SERP2: variants seen among roughly 807,000 people sequenced by gnomAD.
SERP2 encodes stress associated endoplasmic reticulum protein family member 2, also known as stress-associated endoplasmic reticulum protein 2.
SERP2 carries 6 observed loss-of-function variants against 9.1 expected under a neutral mutation model. The ratio of observed to expected loss-of-function variants is 0.66; its 90% CI spans 0.36 to 1.30. The LOEUF is 1.30. Among genes scored for constraint, SERP2 ranks in the 50% most tolerant of loss-of-function variants. SERP2 has a pLI of 0.03. For synonymous variants in SERP2, 37 were observed against 27.3 expected, an observed-to-expected ratio of 1.35 and a Z score of -1.10; for missense variants, 58 against 81.9, an observed-to-expected ratio of 0.71 and a Z score of 1.13.
chr13:44,389,608 G>C (rs1361781451), intron 2 of SERP2, among the ~76,000 whole-genome samples: 1 of 152,126 alleles, frequency 6.6e-6, no homozygotes, highest in African/African-American at 2.4e-5. Flanking sequence ...TTTGCTTTTT[G>C]ATGGTGAGAA....
At chr13:44,377,324 A>AT (rs144689885) in intron 1 of SERP2, among the ~76,000 whole-genome samples, 1,683 of 152,284 alleles carry the variant, frequency 0.011, 39 homozygotes, top group African/African-American at 0.038. Context: ...GATAAAATGA[A>AT]TTTTTTTATA....
At chr13:44,395,236 A>G (rs140803147) in intron 2 of SERP2, among the ~76,000 whole-genome samples, 4 of 152,234 alleles carry the variant, frequency 2.6e-5, no homozygotes, top group Non-Finnish European at 4.4e-5. Flanking sequence ...CTTGGTGGGG[A>G]GGAAAGAAAC....
intron 2 of SERP2, chr13:44,390,296 T>TCCCAC: frequency 5.3e-6 from 1 of 188,776 alleles, no homozygotes; most frequent in South Asian, 5.1e-5. Flanking sequence ...GCCACCGGTG[T>TCCCAC]CCCCACCCAC....
At chr13:44,380,721 CAAAG>C (rs1871923642) in intron 2 of SERP2, among the ~76,000 whole-genome samples, 1 of 152,132 alleles carries the variant, frequency 6.6e-6, no homozygotes, top group Non-Finnish European at 1.5e-5. Flanking sequence ...ATCTTACACT[CAAAG>C]AAAGACAGTT....
chr13:44,387,586 C>G (rs889193775), intron 2 of SERP2, among the ~76,000 whole-genome samples: 5 of 152,154 alleles, frequency 3.3e-5, no homozygotes, highest in Admixed American at 2.6e-4. Flanking sequence ...TTAGAGTCAG[C>G]CTATACATGT....
At chr13:44,396,546 G>T (rs1309748490) in intron 2 of SERP2, among the ~76,000 whole-genome samples, 1 of 152,098 alleles carries the variant, frequency 6.6e-6, no homozygotes, top group African/African-American at 2.4e-5. Flanking sequence ...AAAGAAGTTG[G>T]GATCTTCCGC....
chr13:44,388,613 C>T (rs577864035), intron 2 of SERP2, among the ~76,000 whole-genome samples: 1 of 152,332 alleles, frequency 6.6e-6, no homozygotes, highest in South Asian at 2.1e-4. Flanking sequence ...ACATTCCTTT[C>T]GTCTGTCAGT....
chr13:44,386,768 C>G (rs573753927), intron 2 of SERP2, among the ~76,000 whole-genome samples: 1 of 152,260 alleles, frequency 6.6e-6, no homozygotes, highest in East Asian at 1.9e-4. Flanking sequence ...GATTATTAAC[C>G]CAAATAGGCC....
intron 2 of SERP2, among the ~76,000 whole-genome samples, chr13:44,394,612 GC>G (rs1872980597): frequency 6.6e-6 from 1 of 152,234 alleles, no homozygotes; most frequent in Non-Finnish European, 1.5e-5. Context: ...GCAAGAGTAA[GC>G]GAGAAGTAAT....
At chr13:44,374,551 T>C (rs756686990) in intron 1 of SERP2, among the ~76,000 whole-genome samples, 2 of 152,352 alleles carry the variant, frequency 1.3e-5, no homozygotes, top group South Asian at 4.1e-4. Context: ...GAACCTAGTA[T>C]GTTCTAGAAC....
intron 2 of SERP2, among the ~76,000 whole-genome samples, chr13:44,383,303 T>G (rs1260020272): frequency 6.6e-6 from 1 of 152,208 alleles, no homozygotes; most frequent in Non-Finnish European, 1.5e-5. Flanking sequence ...TCATTTGGCG[T>G]GGCTTATTTT....
intron 1 of SERP2, among the ~76,000 whole-genome samples, chr13:44,376,648 G>A (rs1167352434): frequency 6.6e-6 from 1 of 151,942 alleles, no homozygotes; most frequent in African/African-American, 2.4e-5. Flanking sequence ...GGTGGTGGGC[G>A]CCTGTAATCC....
intron 1 of SERP2, among the ~76,000 whole-genome samples, chr13:44,375,541 G>T (rs1231750671): frequency 2.6e-5 from 4 of 152,148 alleles, no homozygotes; most frequent in African/African-American, 9.7e-5. Context: ...GGCTGCCCGG[G>T]TTGACATTGA....
intron 1 of SERP2, 68 bp downstream of exon 1, chr13:44,374,177 C>CGGGGGGGGGGGGGGGGGGGGGGGGGG: frequency 6.6e-6 from 1 of 151,764 alleles, no homozygotes; most frequent in Non-Finnish European, 1.2e-5. Context: ...AAGGTGGGGG[C>CGGGGGGGGGGGGGGGGGGGGGGGGGG]GGGGCCGGGC....
upstream of SERP2, chr13:44,373,680 C>T: frequency 3.6e-6 from 1 of 279,560 alleles, no homozygotes; most frequent in Non-Finnish European, 6.7e-6. This position sits in a 1 kb window ranked among gnomAD's most constrained non-coding sequence, Gnocchi z 4.8. Context: ...CACTGCAGGG[C>T]CCCGGCTCTG....
chr13:44,394,189 G>A (rs1872949917), intron 2 of SERP2, among the ~76,000 whole-genome samples: 1 of 152,082 alleles, frequency 6.6e-6, no homozygotes, highest in Admixed American at 6.6e-5. Flanking sequence ...CCAGGCTGGA[G>A]TGCAGTGGCG....
At chr13:44,396,892 G>C (rs1047319927) in intron 2 of SERP2, among the ~76,000 whole-genome samples, 4 of 152,178 alleles carry the variant, frequency 2.6e-5, no homozygotes, top group Admixed American at 2.6e-4. Context: ...ATTTTGAAAA[G>C]GCAGACTCAC....
chr13:44,374,179 GGGCCGGGCGGGTAGCGGCGC>G, intron 1 of SERP2, 70 bp downstream of exon 1: 1 of 874,348 alleles, frequency 1.1e-6, no homozygotes, highest in Non-Finnish European at 1.6e-6. Flanking sequence ...GGTGGGGGCG[GGGCCGGGCGGGTAGCGGCGC>G]AGGGTCCGGC....
At position 44,379,569 on chromosome 13, in the gene SERP2, T is replaced by A. The variant is rs1224820311; in HGVS notation, c.85-72T>A. On this transcript the variant is annotated intron_variant, in intron 1 of 2. Transcript: ENST00000379179. ...GTAGAATCCCCAGCACCTAGCACAATGCCTAGTGATACTCAAATAATTGTT... is the reference window on the plus strand; with the variant it reads ...GTAGAATCCCCAGCACCTAGCACAAAGCCTAGTGATACTCAAATAATTGTT... The A allele has an allele frequency of 2.6e-6, 3 of 1,148,662 alleles. No homozygotes were observed. In the East Asian group the frequency reaches 7.1e-5, roughly 27 times the overall value. 71.2% of individuals were successfully genotyped at this position (1,148,662 alleles called of 1,614,324 possible). A position where few individuals can be genotyped will look rare whatever the true frequency, so the allele number is the denominator to read the frequency against.
Sources: allele counts gnomAD v4.1 joint callset (sites outside exome capture counted in the v4.1 genomes callset), GRCh38; gene constraint gnomAD v4.1.1; non-coding constraint Gnocchi (gnomAD v3.1); transcripts MANE v1.5; gene names NCBI Gene and HGNC (gene_info 2026-07-23, HGNC 2026-07-21).